Variants in APBB2 observed in about 807,000 individuals in gnomAD.
APBB2 encodes the protein amyloid beta precursor protein binding family B member 2.
Under a neutral mutation model 82.5 loss-of-function variants are expected in APBB2, and 38 were observed. The observed-to-expected ratio is 0.46, with a 90% CI of 0.36 to 0.60. APBB2 has a LOEUF of 0.60. APBB2 is among the 20% of genes least tolerant of loss of function. The pLI is 0.00. For missense variants in APBB2, 772 were observed against 972.3 expected (o/e 0.79, Z 2.74); for synonymous variants, 341 against 368.2 (o/e 0.93, Z 0.85).
chr4:40,939,197 A>C (rs1360570881), intron 7 of APBB2, among the ~76,000 whole-genome samples: 2 of 152,220 alleles, frequency 1.3e-5, no homozygotes, highest in East Asian at 3.8e-4. Flanking sequence ...TGTTATAAGC[A>C]TCAGAAAATG....
At chr4:40,948,107 C>T (rs1251501239) in intron 6 of APBB2, among the ~76,000 whole-genome samples, 1 of 152,146 alleles carries the variant, frequency 6.6e-6, no homozygotes, top group Non-Finnish European at 1.5e-5. Flanking sequence ...AAATATAATA[C>T]AATAAATTAG....
intron 5 of APBB2, among the ~76,000 whole-genome samples, chr4:41,018,500 GTTC>G (rs1466855927): frequency 6.6e-6 from 1 of 152,178 alleles, no homozygotes; most frequent in Non-Finnish European, 1.5e-5. Context: ...AAAGGCAGGG[GTTC>G]TTCTGAAGCA....
chr4:40,924,670 T>C (rs568954167), intron 10 of APBB2, among the ~76,000 whole-genome samples: 1 of 152,246 alleles, frequency 6.6e-6, no homozygotes, highest in East Asian at 1.9e-4. Flanking sequence ...GAAGAAGCCA[T>C]CTTTGAAGAG....
chr4:40,998,409 CTTA>C (rs2154417741), intron 6 of APBB2, among the ~76,000 whole-genome samples: 1 of 152,186 alleles, frequency 6.6e-6, no homozygotes, highest in Admixed American at 6.5e-5. Context: ...TGCAAACAAG[CTTA>C]TTATTATCAT....
intron 17 of APBB2, among the ~76,000 whole-genome samples, chr4:40,819,352 A>C (rs893322668): frequency 6.6e-6 from 1 of 151,752 alleles, no homozygotes; most frequent in Non-Finnish European, 1.5e-5. Flanking sequence ...CGCTCGGCTA[A>C]TTTTTGTATT....
intron 6 of APBB2, among the ~76,000 whole-genome samples, chr4:40,999,054 G>C (rs972238634): frequency 3.9e-5 from 6 of 152,086 alleles, no homozygotes; most frequent in African/African-American, 1.4e-4. Flanking sequence ...GCCACAGAAA[G>C]TGAAACTGTG....
At chr4:41,167,176 C>T (rs1027643209) in intron 1 of APBB2, among the ~76,000 whole-genome samples, 3 of 152,148 alleles carry the variant, frequency 2.0e-5, no homozygotes, top group African/African-American at 7.2e-5. Context: ...TGGGGGCAGG[C>T]GCACAGTTTC....
chr4:40,816,139 G>A lies in APBB2; in HGVS notation c.2233C>T (p.Leu745Phe), dbSNP rs754106736. 6.2e-7 allele frequency: 1 copy of A among 1,614,150 alleles called. No individual in the cohort carries two copies. Among genetic ancestry groups the A allele is most frequent in the Admixed American group, 1.7e-5 (1 of 60,006 alleles). ...TTNVKRGVLSLIDTLKQKRPV... is the reference protein window; with the variant it reads ...TTNVKRGVLSFIDTLKQKRPV... The stretch of plus-strand genomic sequence containing the variant: ...CGTTTCTGTTTCAAAGTGTCAATGA[G>A]GGATAAGACCCCTCGTTTTACATTG... The change falls in exon 18 of 18, where the codon CTC (leucine) becomes TTC (phenylalanine). Residue 745 changes from leucine (L) to phenylalanine (F), a missense_variant. Physicochemically the swap from Leu to Phe is conservative, Grantham distance 22. Coordinates refer to ENST00000508593, the MANE Select transcript of APBB2 (RefSeq NM_004307.2).
intron 10 of APBB2, among the ~76,000 whole-genome samples, chr4:40,925,828 C>G (rs574308902): frequency 6.6e-6 from 1 of 152,294 alleles, no homozygotes; most frequent in Admixed American, 6.5e-5. Context: ...TCATGAAAAT[C>G]TATGCTAATA....
chr4:41,090,648 G>T (rs1406146735), intron 3 of APBB2, among the ~76,000 whole-genome samples: 1 of 152,112 alleles, frequency 6.6e-6, no homozygotes, highest in East Asian at 1.9e-4. Context: ...TTAGTAGGGT[G>T]GTTATTTAAT....
At position 41,001,650 on chromosome 4, in the gene APBB2, G is replaced by C. The variant is rs557368899; in HGVS notation, c.835+11933C>G. 1.8e-4 allele frequency among the ~76,000 whole-genome samples: 27 copies of C among 152,338 alleles called. No individual in the cohort carries two copies. In the East Asian group the frequency reaches 4.4e-3, roughly 25 times the overall value. ...CCCAGCACTTTGGGAGGCCAAGGCA[G>C]GCGGATCACCTACGGTCGGGAGTTC... On this transcript the variant is annotated intron_variant, in intron 6 of 17. Transcript: ENST00000508593.
chr4:41,009,690 T>C (rs1056745239), intron 6 of APBB2, among the ~76,000 whole-genome samples: 2 of 146,588 alleles, frequency 1.4e-5, no homozygotes, highest in Non-Finnish European at 3.1e-5. Context: ...GACTATGTAT[T>C]TAACACACAG....
chr4:41,147,000 C>T (rs1383776384), intron 1 of APBB2, among the ~76,000 whole-genome samples: 1 of 152,210 alleles, frequency 6.6e-6, no homozygotes, highest in Non-Finnish European at 1.5e-5. Flanking sequence ...AAAACCACTT[C>T]TCAAACCCCT....
rs534991725 is a variant in APBB2, at chr4:40,817,637, G to A, written c.2113-1378C>T. Among the ~76,000 whole-genome samples the A allele has an allele frequency of 7.2e-5, 11 of 151,806 alleles. 1 individual carries two copies. The highest frequency in any genetic ancestry group is 1.5e-4 in the African/African-American group (6 of 41,344). On this transcript the variant is annotated intron_variant, in intron 17 of 17. Transcript: ENST00000508593. The stretch of plus-strand genomic sequence containing the variant: ...AGAGGTCCTAGAACACCTCCACCCC[G>A]CCCCACGTATACCAAGGAAGGACTG...
At chr4:40,836,479 A>AAAACAAAC (rs371261720) in intron 12 of APBB2, among the ~76,000 whole-genome samples, 4 of 152,132 alleles carry the variant, frequency 2.6e-5, no homozygotes, top group Admixed American at 2.6e-4. Context: ...CTCCATCTCA[A>AAAACAAAC]AAACAAACAA....
At chr4:40,953,149 T>C (rs1790663095) in intron 6 of APBB2, among the ~76,000 whole-genome samples, 1 of 151,298 alleles carries the variant, frequency 6.6e-6, no homozygotes, top group South Asian at 2.1e-4. Context: ...ACAAAAAAAA[T>C]TAGCCAGGCG....
intron 1 of APBB2, among the ~76,000 whole-genome samples, chr4:41,201,489 T>C (rs1223923861): frequency 1.3e-5 from 2 of 152,238 alleles, no homozygotes; most frequent in African/African-American, 4.8e-5. Context: ...TTGCTCTATA[T>C]AGCAAGAACT....
At chr4:41,208,546 G>A (rs1289748770) in intron 1 of APBB2, among the ~76,000 whole-genome samples, 1 of 152,068 alleles carries the variant, frequency 6.6e-6, no homozygotes, top group Non-Finnish European at 1.5e-5. Context: ...ACAGGCATGA[G>A]CCACTGCTCC....
intron 2 of APBB2, among the ~76,000 whole-genome samples, chr4:41,134,355 T>A (rs746744357): frequency 1.3e-5 from 2 of 151,972 alleles, no homozygotes; most frequent in East Asian, 3.9e-4. Flanking sequence ...CAAGGCGGGC[T>A]GATCACAAGG....
Sources: gnomAD v4.1 joint callset for allele counts (sites outside exome capture counted in the v4.1 genomes callset) on GRCh38, gnomAD v4.1.1 for gene constraint, MANE v1.5 for transcripts, NCBI Gene and HGNC (gene_info 2026-07-23, HGNC 2026-07-21) for gene names.